EXOC4: variants seen among roughly 807,000 people sequenced by gnomAD.
EXOC4 encodes the protein exocyst complex component 4, also known as SEC8-like 1.
A neutral mutation model predicts 107.2 loss-of-function variants in EXOC4; 71 were observed. That is an observed-to-expected ratio of 0.66 (90% CI 0.55 to 0.81). The LOEUF is 0.81. Ranked by LOEUF, EXOC4 falls within the 30% of genes least tolerant of loss-of-function variation. The pLI is 0.00. For missense variants in EXOC4, 1,108 were observed against 1,189.6 expected (o/e 0.93, Z 1.01); for synonymous variants, 456 against 441.2 (o/e 1.03, Z -0.42).
intron 10 of EXOC4, among the ~76,000 whole-genome samples, chr7:133,678,847 T>A (rs1794123210): frequency 6.6e-6 from 1 of 152,094 alleles, no homozygotes; most frequent in Non-Finnish European, 1.5e-5. Flanking sequence ...CTCAAACTCC[T>A]GGGCTCAAGC....
chr7:133,838,065 G>C (rs969493891), intron 11 of EXOC4, among the ~76,000 whole-genome samples: 2 of 152,108 alleles, frequency 1.3e-5, no homozygotes, highest in African/African-American at 4.8e-5. Context: ...TATTTTCAGG[G>C]AGCAAATCAT....
intron 10 of EXOC4, among the ~76,000 whole-genome samples, chr7:133,779,922 TG>T (rs1263785255): frequency 1.3e-5 from 2 of 152,180 alleles, no homozygotes; most frequent in Non-Finnish European, 2.9e-5. Context: ...TCTCACTCTT[TG>T]GGTCCCTGCT....
In EXOC4 at chr7:134,042,580, G is replaced by A. The variant is rs561683059; in HGVS notation, c.2688-21711G>A. On this transcript the variant is annotated intron_variant, in intron 17 of 17. Transcript: ENST00000253861. ...AGAGGCCTGAGGAAGCCAGGGAACC[G>A]GATAAATTGTCAAGAGCCTGTGTGG... Among the ~76,000 whole-genome samples the A allele has an allele frequency of 1.1e-4, 16 of 152,266 alleles. No homozygotes were observed. In the South Asian group the frequency reaches 1.7e-3, roughly 16 times the overall value.
intron 10 of EXOC4, among the ~76,000 whole-genome samples, chr7:133,778,885 T>C (rs1796403345): frequency 6.6e-6 from 1 of 152,192 alleles, no homozygotes; most frequent in African/African-American, 2.4e-5. Flanking sequence ...GCATCAGAGA[T>C]TTTTAAATAA....
intron 10 of EXOC4, among the ~76,000 whole-genome samples, chr7:133,765,992 G>A (rs1407597589): frequency 6.6e-6 from 1 of 151,980 alleles, no homozygotes; most frequent in Non-Finnish European, 1.5e-5. Flanking sequence ...AAACGAAAGT[G>A]AGGATGATAT....
At chr7:133,499,483 G>C (rs1799537937) in intron 9 of EXOC4, among the ~76,000 whole-genome samples, 1 of 152,166 alleles carries the variant, frequency 6.6e-6, no homozygotes, top group Non-Finnish European at 1.5e-5. Context: ...TAAGAAGGAA[G>C]CTAAGAGAAA....
intron 11 of EXOC4, among the ~76,000 whole-genome samples, chr7:133,888,206 A>C (rs1026274285): frequency 2.0e-5 from 3 of 152,138 alleles, no homozygotes; most frequent in African/African-American, 7.2e-5. Flanking sequence ...TTGTGTTGAG[A>C]AGAGCTATAC....
At chr7:133,975,745 GCACACA>G (rs57377025) in intron 14 of EXOC4, among the ~76,000 whole-genome samples, 1,799 of 149,792 alleles carry the variant, frequency 0.012, 29 homozygotes, top group African/African-American at 0.041. Context: ...AAATGCGTGT[GCACACA>G]CACACACACA....
At chr7:133,558,201 C>CTTTTCTTTTCTTTTCTTTTCTTTTT (rs1563107397) in intron 9 of EXOC4, among the ~76,000 whole-genome samples, 30 of 125,856 alleles carry the variant, frequency 2.4e-4, no homozygotes, top group Admixed American at 7.7e-4. Flanking sequence ...CTTTTCTTTT[C>CTTTTCTTTTCTTTTCTTTTCTTTTT]TTTTCTTTTC....
chr7:133,699,956 T>G (rs1003960134), intron 10 of EXOC4, among the ~76,000 whole-genome samples: 3 of 152,196 alleles, frequency 2.0e-5, no homozygotes, highest in African/African-American at 7.2e-5. Flanking sequence ...CTGAGGTAGC[T>G]AAATAGCTTT....
chr7:133,933,055 T>C (rs1436054496), intron 13 of EXOC4, among the ~76,000 whole-genome samples: 1 of 152,190 alleles, frequency 6.6e-6, no homozygotes, highest in East Asian at 1.9e-4. Context: ...GATTTTTTTT[T>C]TTTTCTTTTT....
At chr7:133,983,839 TG>T (rs1198686970) in intron 14 of EXOC4, among the ~76,000 whole-genome samples, 1 of 152,228 alleles carries the variant, frequency 6.6e-6, no homozygotes, top group Admixed American at 6.5e-5. Context: ...ACCACAATAC[TG>T]CTTTTCAACA....
At chr7:133,577,375 C>G (rs1358002011) in intron 9 of EXOC4, among the ~76,000 whole-genome samples, 1 of 152,136 alleles carries the variant, frequency 6.6e-6, no homozygotes, top group South Asian at 2.1e-4. Context: ...TCACCTCTCT[C>G]TCAATTTTCG....
intron 10 of EXOC4, among the ~76,000 whole-genome samples, chr7:133,654,414 C>T (rs916440339): frequency 9.9e-5 from 15 of 151,960 alleles, no homozygotes; most frequent in Non-Finnish European, 1.0e-4. Flanking sequence ...GAAGATGAGC[C>T]GTTATACCTA....
At chr7:133,832,357 T>G (rs1797828462) in intron 11 of EXOC4, among the ~76,000 whole-genome samples, 1 of 152,228 alleles carries the variant, frequency 6.6e-6, no homozygotes, top group African/African-American at 2.4e-5. Flanking sequence ...TGCTTTAAAG[T>G]TCTGTGAGTT....
intron 12 of EXOC4, among the ~76,000 whole-genome samples, chr7:133,902,006 G>A (rs754939389): frequency 1.3e-5 from 2 of 152,096 alleles, no homozygotes; most frequent in African/African-American, 2.4e-5. Context: ...ATTTACCACC[G>A]CCCCAGTCAG....
rs544369831 is a variant in EXOC4 at position 133,686,494 on chromosome 7, G to A, written c.1514+56353G>A. 7.9e-5 allele frequency among the ~76,000 whole-genome samples: 12 copies of A among 152,116 alleles called. No homozygotes were observed. The South Asian group carries it at 1.7e-3, about 21-fold the overall frequency. On this transcript the variant is annotated intron_variant, in intron 10 of 17. Transcript: ENST00000253861. The stretch of plus-strand genomic sequence containing the variant: ...AAACTTAACATTTGTTTTGTCTGAC[G>A]TCCTTCCTCAGGAATGGACTTTCAG...
chr7:133,518,150 A>G (rs1799914213), intron 9 of EXOC4, among the ~76,000 whole-genome samples: 1 of 152,016 alleles, frequency 6.6e-6, no homozygotes, highest in Non-Finnish European at 1.5e-5. Context: ...TTGGGCTTGC[A>G]TCATATTTGC....
downstream of EXOC4, among the ~76,000 whole-genome samples, chr7:134,067,769 T>C (rs6961426): frequency 0.78 from 117,982 of 151,672 alleles, 46,830 homozygotes; most frequent in African/African-American, 0.93. Context: ...TACCTTCCAA[T>C]TTATAAATGA....
Sources: gnomAD v4.1 joint callset for allele counts (sites outside exome capture counted in the v4.1 genomes callset) on GRCh38, gnomAD v4.1.1 for gene constraint, MANE v1.5 for transcripts, NCBI Gene and HGNC (gene_info 2026-07-23, HGNC 2026-07-21) for gene names.